The following LRRC19 variants were observed in gnomAD, a reference collection of about 807,000 sequenced individuals.
LRRC19 encodes leucine rich repeat containing 19, also known as leucine-rich repeat-containing protein 19.
A neutral mutation model predicts 33.3 loss-of-function variants in LRRC19; 33 were observed. The observed-to-expected ratio is 0.99, with a 90% CI of 0.75 to 1.33. The LOEUF (loss-of-function observed/expected upper bound fraction) is 1.33. Among genes scored for constraint, LRRC19 ranks in the 40% most tolerant of loss-of-function variants. The pLI is 0.00. For missense variants in LRRC19, 463 were observed against 417.3 expected, an observed-to-expected ratio of 1.11 and a Z score of -0.95; for synonymous variants, 184 against 152.3, an observed-to-expected ratio of 1.21 and a Z score of -1.53.
chr9:26,998,257 AAAG>A lies in LRRC19; in HGVS notation c.82-19_82-17del, dbSNP rs1301464473. 1.4e-5 allele frequency: 19 copies of A among 1,367,628 alleles called. No homozygotes were observed. Among genetic ancestry groups the A allele is most frequent in the Non-Finnish European group, 1.9e-5 (19 of 1,021,222 alleles). The allele number at this position is 1,367,628 out of a possible 1,614,324, so 84.7% of individuals were successfully genotyped here. On this transcript the variant is annotated splice_polypyrimidine_tract_variant and intron_variant, in intron 2 of 4. Transcript: ENST00000380055. ...ATTGGACTTCCTAGAAAAACAAAAAAAAGAAAGGCATTAATCAGAAAAAAAATT... is the reference window on the plus strand; with the variant it reads ...ATTGGACTTCCTAGAAAAACAAAAAAAAAGGCATTAATCAGAAAAAAAATT...
At chr9:27,003,005 C>T (rs940661258) in intron 1 of LRRC19, among the ~76,000 whole-genome samples, 1 of 152,032 alleles carries the variant, frequency 6.6e-6, no homozygotes, top group Non-Finnish European at 1.5e-5. Context: ...TATTTCACTT[C>T]ATTGGTTAAA....
At chr9:26,996,609 T>C in intron 3 of LRRC19, 110 bp from the exon 4 acceptor site, 2 of 665,966 alleles carry the variant, frequency 3.0e-6, no homozygotes, top group Non-Finnish European at 4.4e-6. Flanking sequence ...TTAAAGGCAT[T>C]ATAAGAAATT....
In LRRC19 at chr9:26,994,818, A is replaced by C. The variant is rs1828060136; in HGVS notation, c.*703T>G. 6.6e-6 allele frequency: 1 copy of C among 152,618 alleles called. No individual in the cohort carries two copies. 9.5% of individuals were successfully genotyped at this position (152,618 alleles called of 1,614,324 possible). On this transcript the variant is annotated 3_prime_UTR_variant, in exon 5 of 5. Transcript: ENST00000380055. ...GAGAGGTGGAAATATGTATTTTTAA[A>C]ACAAGATTTATAGATAATTGTGATG... is the stretch of plus-strand genomic sequence containing the variant.
intron 4 of LRRC19, 101 bp downstream of exon 4, chr9:26,996,210 T>A (rs1828147665): frequency 3.9e-6 from 3 of 771,840 alleles, no homozygotes; most frequent in Non-Finnish European, 5.6e-6. Flanking sequence ...TGAGGAATCT[T>A]TCTTTTACAT....
At position 26,993,341 on chromosome 9, in the gene LRRC19, C is replaced by T. The variant is rs1440405618; in HGVS notation, c.*2180G>A. ...GTTTAGAAAAAGATATTTTATGTTC[C>T]TATAATCATCTCATTCTTATAATTA... On this transcript the variant is annotated 3_prime_UTR_variant, in exon 5 of 5. Transcript: ENST00000380055. The T allele has an allele frequency of 1.3e-5, 2 of 151,928 alleles. No individual in the cohort carries two copies. Among genetic ancestry groups the T allele is most frequent in the Non-Finnish European group, 2.9e-5 (2 of 67,960 alleles). 9.4% of individuals were successfully genotyped at this position (151,928 alleles called of 1,614,324 possible). A position where few individuals can be genotyped will look rare whatever the true frequency, so the allele number is the denominator to read the frequency against.
intron 3 of LRRC19, among the ~76,000 whole-genome samples, chr9:26,997,240 C>A (rs1035191086): frequency 1.3e-5 from 2 of 151,510 alleles, no homozygotes; most frequent in African/African-American, 4.8e-5. Context: ...CTTAATTTTT[C>A]CCCCTGGTAA....
chr9:27,004,540 A>C lies in LRRC19; in HGVS notation c.-10+1052T>G, dbSNP rs117107936. On this transcript the variant is annotated intron_variant, in intron 1 of 4. Coordinates refer to ENST00000380055, the MANE Select transcript of LRRC19 (RefSeq NM_022901.3). ...CCCAGACAAAGCATTTGCTAGCATT[A>C]TTGGGTGTCTTTAAAAAAAGAAAAT... 3.5e-3 allele frequency among the ~76,000 whole-genome samples: 529 copies of C among 152,330 alleles called. 4 individuals are homozygous for C. Among genetic ancestry groups the C allele is most frequent in the Non-Finnish European group, 4.8e-3 (325 of 68,028 alleles).
chr9:26,997,604 G>C, intron 3 of LRRC19, 124 bp downstream of exon 3: 1 of 1,022,632 alleles, frequency 9.8e-7, no homozygotes, highest in Non-Finnish European at 1.4e-6. Flanking sequence ...ATAGTGATGG[G>C]ATTACAGGCA....
At position 26,997,949 on chromosome 9, in the gene LRRC19, TGTTTTA is replaced by T; in HGVS notation, c.368_373del (p.Leu123_Lys124del). 6.2e-7 allele frequency: 1 copy of T among 1,613,904 alleles called. No homozygotes were observed. The highest frequency in any genetic ancestry group is 8.5e-7 in the Non-Finnish European group (1 of 1,179,934). On this transcript the variant is annotated inframe_deletion, in exon 3 of 5. Transcript: ENST00000380055. ...TATTTTGTTTTGGCAGAGATATAAC[TGTTTTA>T]GTTTATTTAAGCCTAAAAATGCACC...
chr9:26,994,256 T>TA lies in LRRC19; in HGVS notation c.*1264_*1265insT, dbSNP rs1291444459. 7.9e-5 allele frequency: 12 copies of TA among 152,248 alleles called. 1 individual carries two copies. The East Asian group carries it at 1.9e-3, about 25-fold the overall frequency. 9.4% of individuals were successfully genotyped at this position (152,248 alleles called of 1,614,324 possible). On this transcript the variant is annotated 3_prime_UTR_variant, in exon 5 of 5. Transcript: ENST00000380055. ...ACATAAATCCTATTGTAAAGAATCT[T>TA]GGCCAGGCACGGTGCTCCATGCCTG...
chr9:27,003,730 A>G (rs1037295302), intron 1 of LRRC19, among the ~76,000 whole-genome samples: 3 of 152,170 alleles, frequency 2.0e-5, no homozygotes, highest in Non-Finnish European at 4.4e-5. Context: ...ATTTGTTAGG[A>G]AAAGCTACTC....
At position 26,996,489 on chromosome 9, in the gene LRRC19, GT is replaced by G; in HGVS notation, c.605del (p.Asn202ThrfsTer33). ...NTSNVTLENE[N>X]ITMCSYPNSL... The stretch of plus-strand genomic sequence containing the variant: ...TGTTGGGGTAGCTACACATGGTGAT[GT>G]TCTCATTTTCTAGTAAATCAGAAAG... On this transcript the variant is annotated frameshift_variant, in exon 4 of 5. Coordinates refer to ENST00000380055, the MANE Select transcript of LRRC19 (RefSeq NM_022901.3). LOFTEE classifies it high-confidence loss of function. The G allele has an allele frequency of 6.9e-7, 1 of 1,444,570 alleles. No homozygotes were observed. Among genetic ancestry groups the G allele is most frequent in the Non-Finnish European group, 9.2e-7 (1 of 1,085,532 alleles). The allele number at this position is 1,444,570 out of a possible 1,614,324, so 89.5% of individuals were successfully genotyped here.
Position 26,995,531 on chromosome 9 carries a change from T to A in LRRC19, c.1103A>T (p.Glu368Val), listed in dbSNP as rs927893385. 4 of 1,540,452 alleles carry A rather than the reference T, an allele frequency of 2.6e-6. No individual in the cohort carries two copies. Among genetic ancestry groups the A allele is most frequent in the Non-Finnish European group, 3.5e-6 (4 of 1,134,532 alleles). ...AAACTTTGAAAGAAATTAATTTTCT[T>A]CACATAATTCATGGATATCTATATA... ...DKYIDIHELC[E>V]EN Residue 368 changes from glutamate (E) to valine (V), a missense_variant, in exon 5 of 5, where the codon GAA (glutamate) becomes GTA (valine). By Grantham distance (121) the Glu-to-Val change is moderately radical. Coordinates refer to ENST00000380055, the MANE Select transcript of LRRC19 (RefSeq NM_022901.3).
chr9:26,996,558 T>G, intron 3 of LRRC19, 59 bp from the exon 4 acceptor site: 12 of 1,157,006 alleles, frequency 1.0e-5, no homozygotes, highest in Non-Finnish European at 1.4e-5. Flanking sequence ...AACAACATTT[T>G]ATAATTGTTT....
At chr9:27,001,275 A>C (rs1828470589) in intron 1 of LRRC19, among the ~76,000 whole-genome samples, 1 of 152,126 alleles carries the variant, frequency 6.6e-6, no homozygotes, top group Non-Finnish European at 1.5e-5. Flanking sequence ...ATGGGAGTGC[A>C]GCTATCTCTT....
chr9:26,995,878 G>A (rs920506554), intron 4 of LRRC19, 29 bp from the exon 5 acceptor site: 10 of 1,509,716 alleles, frequency 6.6e-6, no homozygotes, highest in Non-Finnish European at 8.9e-6. Context: ...AGAGGAGAGA[G>A]AAAGAAAATT....
chr9:26,999,475 G>A, intron 2 of LRRC19, 139 bp downstream of exon 2: 2 of 502,992 alleles, frequency 4.0e-6, no homozygotes, highest in South Asian at 4.4e-5. Flanking sequence ...ATTGGAATTT[G>A]GATATACAGA....
rs1343463085 is a variant in LRRC19 at position 26,994,977 on chromosome 9, A to G, written c.*544T>C. ...CATTGTGCTTGTGCTTTAAATTGCTATGAAATTTTAAGGAAATTTATTGTG... is the reference window on the plus strand; with the variant it reads ...CATTGTGCTTGTGCTTTAAATTGCTGTGAAATTTTAAGGAAATTTATTGTG... On this transcript the variant is annotated 3_prime_UTR_variant, in exon 5 of 5. Transcript: ENST00000380055. The G allele has an allele frequency of 3.3e-5, 5 of 152,494 alleles. No individual in the cohort carries two copies. Among genetic ancestry groups the G allele is most frequent in the Admixed American group, 2.0e-4 (3 of 15,314 alleles). 9.4% of individuals were successfully genotyped at this position (152,494 alleles called of 1,614,324 possible). A position where few individuals can be genotyped will look rare whatever the true frequency, so the allele number is the denominator to read the frequency against.
At chr9:27,000,906 T>A (rs1166486580) in intron 1 of LRRC19, among the ~76,000 whole-genome samples, 2 of 152,218 alleles carry the variant, frequency 1.3e-5, no homozygotes, top group Non-Finnish European at 2.9e-5. Flanking sequence ...CTTCTTTTTT[T>A]AAGCAAACTG....
Sources: allele counts gnomAD v4.1 joint callset (sites outside exome capture counted in the v4.1 genomes callset), GRCh38; gene constraint gnomAD v4.1.1; transcripts MANE v1.5; gene names NCBI Gene and HGNC (gene_info 2026-07-23, HGNC 2026-07-21).